The following BTBD18 variants were observed in gnomAD, a reference collection of about 807,000 sequenced individuals.
BTBD18 encodes the protein BTB domain containing 18.
For synonymous variants in BTBD18, 311 were observed against 324.4 expected (o/e 0.96, Z 0.44); for missense variants, 787 against 846.3 (o/e 0.93, Z 0.87).
chr11:57,745,149 G>T lies in BTBD18; in HGVS notation c.1124C>A (p.Thr375Asn), dbSNP rs1056933437. Residue 375 changes from threonine to asparagine, a missense_variant, in exon 3 of 3, where the codon ACT becomes AAT. By Grantham distance (65) the Thr-to-Asn change is moderately conservative. Transcript: ENST00000422652. The stretch of plus-strand genomic sequence containing the variant: ...GCTATCTTGAGTGTTTTTGAGAGGA[G>T]TCTCTTGTACCACTTCCCAGCAAGT... ...NGTCWEVVQE[T>N]PLKNTQDSPQ... is the part of the protein sequence containing the mutation. 5.2e-6 allele frequency: 8 copies of T among 1,551,566 alleles called. No homozygotes were observed. The highest frequency in any genetic ancestry group is 6.1e-6 in the Non-Finnish European group (7 of 1,147,008).
At chr11:57,750,567 A>T (rs1949286639) in intron 2 of BTBD18, among the ~76,000 whole-genome samples, 1 of 152,130 alleles carries the variant, frequency 6.6e-6, no homozygotes, top group African/African-American at 2.4e-5. Context: ...GTAGTGGCGC[A>T]TGCCTGTAAT....
rs1329819586 is a variant in BTBD18, at chr11:57,745,011, G to A, written c.1262C>T (p.Pro421Leu). ...PTRTELCQDSPMCTKLQDILV... is the reference protein window; with the variant it reads ...PTRTELCQDSLMCTKLQDILV... ...AATGTCTTGTAGCTTAGTGCACATG[G>A]GGGAGTCCTGACACAGTTCTGTTCT... is the stretch of plus-strand genomic sequence containing the variant. Residue 421 changes from proline (P) to leucine (L), a missense_variant, in exon 3 of 3, where the codon CCC becomes CTC. Physicochemically the swap from Pro to Leu is moderately conservative, Grantham distance 98. Coordinates refer to ENST00000422652, the MANE Select transcript of BTBD18 (RefSeq NM_001145101.3). 1.3e-6 allele frequency: 2 copies of A among 1,551,638 alleles called. No individual in the cohort carries two copies. The highest frequency in any genetic ancestry group is 8.7e-7 in the Non-Finnish European group (1 of 1,146,956).
In BTBD18 at chr11:57,745,793, G is replaced by A; in HGVS notation, c.480C>T (p.Ser160=). 6.4e-7 allele frequency: 1 copy of A among 1,551,570 alleles called. No individual in the cohort carries two copies. The highest frequency in any genetic ancestry group is 8.7e-7 in the Non-Finnish European group (1 of 1,146,930). ...APISARVVTP[S]HHPHTPLPTN... ...TGGGCAGTGGGGTGTGAGGGTGGTG[G>A]CTGGGTGTCACCACTCTGGCAGAGA... Residue 160 remains serine, a synonymous_variant, in exon 3 of 3, where the codon AGC becomes AGT. Coordinates refer to ENST00000422652, the MANE Select transcript of BTBD18 (RefSeq NM_001145101.3).
rs1949141304 is a variant in BTBD18, at chr11:57,743,960, C to A, written c.*174G>T. ...GTTCATAATTTTCTATCTATGGTAC[C>A]CTTGGCTTCTGCCTGGCTTCTGAGG... On this transcript the variant is annotated 3_prime_UTR_variant, in exon 3 of 3. Transcript: ENST00000422652. The A allele has an allele frequency of 7.1e-6, 4 of 562,544 alleles. No individual in the cohort carries two copies. The highest frequency in any genetic ancestry group is 2.5e-5 in the South Asian group (1 of 40,794). 34.8% of individuals were successfully genotyped at this position (562,544 alleles called of 1,614,324 possible). A position where few individuals can be genotyped will look rare whatever the true frequency, so the allele number is the denominator to read the frequency against.
chr11:57,744,980 G>C lies in BTBD18; in HGVS notation c.1293C>G (p.Val431=). Residue 431 remains valine (V), a synonymous_variant, in exon 3 of 3, where the codon GTC becomes GTG. Coordinates refer to ENST00000422652, the MANE Select transcript of BTBD18 (RefSeq NM_001145101.3). ...GGTGGTCTGGGGAGTGGCTAGCAGA[G>C]ACCAGAATGTCTTGTAGCTTAGTGC... is the stretch of plus-strand genomic sequence containing the variant. ...PMCTKLQDIL[V]SASHSPDHPV... is the part of the protein sequence containing the mutation. The C allele has an allele frequency of 6.4e-7, 1 of 1,551,668 alleles. No individual in the cohort carries two copies. The highest frequency in any genetic ancestry group is 8.7e-7 in the Non-Finnish European group (1 of 1,146,960).
At position 57,743,991 on chromosome 11, in the gene BTBD18, G is replaced by T; in HGVS notation, c.*143C>A. On this transcript the variant is annotated 3_prime_UTR_variant, in exon 3 of 3. Coordinates refer to ENST00000422652, the MANE Select transcript of BTBD18 (RefSeq NM_001145101.3). Reference sequence around the variant, plus strand: ...CTTCTGCCTGGCTTCTGAGGCTTAGGGAAGGGAGGAAGGGACCTACAAAGA... The same window carrying T: ...CTTCTGCCTGGCTTCTGAGGCTTAGTGAAGGGAGGAAGGGACCTACAAAGA... 1 of 598,454 alleles carries T rather than the reference G, an allele frequency of 1.7e-6. No individual in the cohort carries two copies. The highest frequency in any genetic ancestry group is 2.9e-6 in the Non-Finnish European group (1 of 339,944). 37.1% of individuals were successfully genotyped at this position (598,454 alleles called of 1,614,324 possible). A position where few individuals can be genotyped will look rare whatever the true frequency, so the allele number is the denominator to read the frequency against.
chr11:57,746,977 ACTGAGATATATT>A (rs777354631), intron 2 of BTBD18, among the ~76,000 whole-genome samples: 44 of 152,196 alleles, frequency 2.9e-4, no homozygotes, highest in Non-Finnish European at 5.4e-4. Context: ...TGTCTTTCTC[ACTGAGATATATT>A]CAGTGCCTGA....
chr11:57,751,224 A>G lies in BTBD18; in HGVS notation c.-36T>C. 6.7e-7 allele frequency: 1 copy of G among 1,501,284 alleles called. No homozygotes were observed. The allele number at this position is 1,501,284 out of a possible 1,614,324, so 93.0% of individuals were successfully genotyped here. ...GTCTTAACAAACCTTCTAGGTTTTC[A>G]CAGATCAGACTCCTGTAGGTGAGAT... On this transcript the variant is annotated 5_prime_UTR_variant, in exon 2 of 3. Transcript: ENST00000422652.
At chr11:57,749,344 C>G (rs1039136650) in intron 2 of BTBD18, among the ~76,000 whole-genome samples, 13 of 152,178 alleles carry the variant, frequency 8.5e-5, no homozygotes, top group African/African-American at 3.1e-4. Context: ...AATCTCAACT[C>G]TGCACTTACT....
chr11:57,747,516 TTTTG>T (rs1403884060), intron 2 of BTBD18, among the ~76,000 whole-genome samples: 2 of 152,062 alleles, frequency 1.3e-5, no homozygotes, highest in Admixed American at 1.3e-4. Flanking sequence ...TTGTTTTTGT[TTTTG>T]TTTTTGTTTT....
At chr11:57,752,844 A>G (rs181196940), upstream of BTBD18, among the ~76,000 whole-genome samples, 10 of 152,372 alleles carry the variant, frequency 6.6e-5, no homozygotes, top group South Asian at 2.1e-4. Flanking sequence ...GCAGGGCTTC[A>G]GGGAGAGCCC....
Position 57,745,197 on chromosome 11 carries a change from T to C in BTBD18, c.1076A>G (p.Lys359Arg). 3 of 1,551,692 alleles carry C rather than the reference T, an allele frequency of 1.9e-6. No individual in the cohort carries two copies. The highest frequency in any genetic ancestry group is 1.7e-6 in the Non-Finnish European group (2 of 1,146,998). Residue 359 changes from lysine to arginine, a missense_variant, in exon 3 of 3, where the codon AAA (lysine) becomes AGA (arginine). Coordinates refer to ENST00000422652, the MANE Select transcript of BTBD18 (RefSeq NM_001145101.3). Reference protein sequence around the residue: ...SAEEGQVGRVKLRKIVNGTCW... With the variant: ...SAEEGQVGRVRLRKIVNGTCW... ...AGTCCCATTGACAATCTTCCTAAGTTTAACTCTCCCAACCTGCCCCTCCTC... is the reference window on the plus strand; with the variant it reads ...AGTCCCATTGACAATCTTCCTAAGTCTAACTCTCCCAACCTGCCCCTCCTC...
intron 2 of BTBD18, among the ~76,000 whole-genome samples, chr11:57,747,595 A>G (rs1590996355): frequency 6.6e-6 from 1 of 151,924 alleles, no homozygotes; most frequent in East Asian, 1.9e-4. Flanking sequence ...GGTTACTGCA[A>G]CCTCCGCCTC....
intron 2 of BTBD18, among the ~76,000 whole-genome samples, chr11:57,747,940 C>T (rs922640659): frequency 2.1e-4 from 32 of 152,194 alleles, no homozygotes; most frequent in Non-Finnish European, 3.5e-4. Context: ...GCTGGGACTA[C>T]AAGCATATAC....
In BTBD18 at chr11:57,745,417, A is replaced by T. The variant is rs1414007658; in HGVS notation, c.856T>A (p.Ser286Thr). 2.6e-6 allele frequency: 4 copies of T among 1,551,548 alleles called. No homozygotes were observed. Among genetic ancestry groups the T allele is most frequent in the Non-Finnish European group, 3.5e-6 (4 of 1,147,006 alleles). Reference protein sequence around the residue: ...TSKPSSILSGSSSVPATPGRR... With the variant: ...TSKPSSILSGTSSVPATPGRR... Reference sequence around the variant, plus strand: ...CCAGGGGTTGCAGGCACTGAGCTAGATCCACTTAAAATGCTGGAAGGCTTT... The same window carrying T: ...CCAGGGGTTGCAGGCACTGAGCTAGTTCCACTTAAAATGCTGGAAGGCTTT... The change falls in exon 3 of 3, where the codon TCT becomes ACT. Residue 286 changes from serine (S) to threonine (T), a missense_variant. Ser to Thr is a moderately conservative substitution (Grantham distance 58). Coordinates refer to ENST00000422652, the MANE Select transcript of BTBD18 (RefSeq NM_001145101.3).
At position 57,751,226 on chromosome 11, in the gene BTBD18, A is replaced by G. The variant is rs1326915235; in HGVS notation, c.-38T>C. ...CTTAACAAACCTTCTAGGTTTTCAC[A>G]GATCAGACTCCTGTAGGTGAGATAA... On this transcript the variant is annotated 5_prime_UTR_variant, in exon 2 of 3. Coordinates refer to ENST00000422652, the MANE Select transcript of BTBD18 (RefSeq NM_001145101.3). The G allele has an allele frequency of 1.3e-6, 2 of 1,486,916 alleles. No individual in the cohort carries two copies. Among genetic ancestry groups the G allele is most frequent in the Non-Finnish European group, 1.8e-6 (2 of 1,116,804 alleles). The allele number at this position is 1,486,916 out of a possible 1,614,324, so 92.1% of individuals were successfully genotyped here.
chr11:57,746,194 T>C (rs996006396), intron 2 of BTBD18, 46 bp from the exon 3 acceptor site: 1 of 1,437,520 alleles, frequency 7.0e-7, no homozygotes, highest in Admixed American at 2.4e-5. Flanking sequence ...GACTGGCATG[T>C]TCATGGGCTA....
chr11:57,744,070 TA>T lies in BTBD18; in HGVS notation c.*63del. 7.9e-7 allele frequency: 1 copy of T among 1,270,200 alleles called. No individual in the cohort carries two copies. Among genetic ancestry groups the T allele is most frequent in the Non-Finnish European group, 1.1e-6 (1 of 920,484 alleles). 78.7% of individuals were successfully genotyped at this position (1,270,200 alleles called of 1,614,324 possible). Reference sequence around the variant, plus strand: ...GGGCACGTGCCAGCTTCTCTGCCAGTAAGCCTTTTGCTAGCTAACATTTCCC... The same window carrying T: ...GGGCACGTGCCAGCTTCTCTGCCAGTAGCCTTTTGCTAGCTAACATTTCCC... On this transcript the variant is annotated 3_prime_UTR_variant, in exon 3 of 3. Transcript: ENST00000422652.
intron 2 of BTBD18, among the ~76,000 whole-genome samples, chr11:57,747,097 A>G (rs1949211021): frequency 6.6e-6 from 1 of 152,240 alleles, no homozygotes; most frequent in South Asian, 2.1e-4. Flanking sequence ...TCTAACAGAA[A>G]GAGCTATGGA....
Sources: allele counts gnomAD v4.1 joint callset (sites outside exome capture counted in the v4.1 genomes callset), GRCh38; gene constraint gnomAD v4.1.1; transcripts MANE v1.5; gene names NCBI Gene and HGNC (gene_info 2026-07-23, HGNC 2026-07-21).